SH3RF3: variants seen among roughly 807,000 people sequenced by gnomAD.
SH3RF3 encodes E3 ubiquitin-protein ligase SH3RF3.
A neutral mutation model predicts 66.3 loss-of-function variants in SH3RF3; 29 were observed. The observed-to-expected ratio is 0.44, with a 90% CI of 0.33 to 0.60. The LOEUF (loss-of-function observed/expected upper bound fraction) is 0.60, where lower values mean the gene tolerates loss of function less well. Ranked by LOEUF, SH3RF3 falls within the 20% of genes least tolerant of loss-of-function variation. The pLI is 0.04. For synonymous variants in SH3RF3, 583 were observed against 532.0 expected, an observed-to-expected ratio of 1.10 and a Z score of -1.32; for missense variants, 1,194 against 1,190.9, an observed-to-expected ratio of 1.00 and a Z score of -0.04.
intron 2 of SH3RF3, among the ~76,000 whole-genome samples, chr2:109,348,221 A>G (rs1682761553): frequency 1.3e-5 from 2 of 152,230 alleles, no homozygotes; most frequent in Admixed American, 1.3e-4. Flanking sequence ...ATAAGCCTCC[A>G]TCAGCACCAG....
chr2:109,427,449 A>G (rs1383890343), intron 5 of SH3RF3, among the ~76,000 whole-genome samples: 4 of 152,194 alleles, frequency 2.6e-5, no homozygotes. Context: ...ACCCACGAGT[A>G]TCCCACAGGT....
At chr2:109,410,613 G>A (rs1676562256) in intron 4 of SH3RF3, among the ~76,000 whole-genome samples, 1 of 152,248 alleles carries the variant, frequency 6.6e-6, no homozygotes, top group Non-Finnish European at 1.5e-5. Flanking sequence ...GATTGCTGGA[G>A]TTGTTCTGTA....
intron 1 of SH3RF3, among the ~76,000 whole-genome samples, chr2:109,148,020 C>G (rs2104858468): frequency 6.6e-6 from 1 of 152,324 alleles, no homozygotes. Context: ...GTATCATGGA[C>G]AAGGTCAGTC....
chr2:109,414,878 C>A (rs531062112), intron 4 of SH3RF3, among the ~76,000 whole-genome samples: 1 of 152,328 alleles, frequency 6.6e-6, no homozygotes, highest in East Asian at 1.9e-4. Context: ...GACTGATGGC[C>A]CCCACACATG....
intron 3 of SH3RF3, among the ~76,000 whole-genome samples, chr2:109,389,254 G>A (rs1203005791): frequency 6.6e-6 from 1 of 151,708 alleles, no homozygotes; most frequent in Non-Finnish European, 1.5e-5. Context: ...GGGCAAGCGT[G>A]GGCCAGGCCC....
chr2:109,261,343 C>G (rs957569194), intron 1 of SH3RF3, among the ~76,000 whole-genome samples: 9 of 152,318 alleles, frequency 5.9e-5, no homozygotes, highest in African/African-American at 1.9e-4. Context: ...CAGCACACAG[C>G]AAGAGCTCTA....
chr2:109,371,983 G>A (rs538534080), intron 3 of SH3RF3, among the ~76,000 whole-genome samples: 5 of 152,152 alleles, frequency 3.3e-5, no homozygotes, highest in South Asian at 2.1e-4. Flanking sequence ...GGACCCCTGC[G>A]CCTGGCACCC....
chr2:109,407,902 G>A (rs10181694), intron 4 of SH3RF3, among the ~76,000 whole-genome samples: 5,362 of 152,216 alleles, frequency 0.035, 193 homozygotes, highest in African/African-American at 0.09. Flanking sequence ...GATTTTTGTC[G>A]ATTGCAAAGC....
intron 1 of SH3RF3, among the ~76,000 whole-genome samples, chr2:109,311,722 T>C (rs993831272): frequency 1.3e-5 from 2 of 152,230 alleles, no homozygotes; most frequent in African/African-American, 2.4e-5. Context: ...GTTTTGTTTT[T>C]CCTTGTCTGA....
chr2:109,431,912 G>T (rs1167767169), intron 5 of SH3RF3, among the ~76,000 whole-genome samples: 7 of 152,040 alleles, frequency 4.6e-5, no homozygotes, highest in Non-Finnish European at 1.0e-4. Context: ...CACAATTACT[G>T]CAAGGAAGTG....
intron 1 of SH3RF3, among the ~76,000 whole-genome samples, chr2:109,290,963 A>AT (rs1681153910): frequency 6.6e-6 from 1 of 152,268 alleles, no homozygotes; most frequent in African/African-American, 2.4e-5. Context: ...GCCCGGCAAT[A>AT]TGCCGGGTAC....
At chr2:109,159,270 G>C (rs1677426938) in intron 1 of SH3RF3, among the ~76,000 whole-genome samples, 1 of 152,134 alleles carries the variant, frequency 6.6e-6, no homozygotes, top group African/African-American at 2.4e-5. Flanking sequence ...GCTCTATCCC[G>C]GCGCAGCTGC....
At chr2:109,242,395 A>G (rs1032412140) in intron 1 of SH3RF3, among the ~76,000 whole-genome samples, 5 of 152,140 alleles carry the variant, frequency 3.3e-5, no homozygotes, top group African/African-American at 1.2e-4. Flanking sequence ...GCCTCGTTGC[A>G]GATGGTCACA....
At chr2:109,234,260 T>TTA (rs1266016418) in intron 1 of SH3RF3, among the ~76,000 whole-genome samples, 3 of 152,258 alleles carry the variant, frequency 2.0e-5, no homozygotes, top group African/African-American at 7.2e-5. Flanking sequence ...AAACTGTTAC[T>TTA]AAGGATGCCA....
chr2:109,157,884 A>G (rs192045516), intron 1 of SH3RF3, among the ~76,000 whole-genome samples: 1 of 152,230 alleles, frequency 6.6e-6, no homozygotes, highest in African/African-American at 2.4e-5. Flanking sequence ...GGAGACCCTC[A>G]GGATGGCTTT....
At position 109,342,159 on chromosome 2, in the gene SH3RF3, G is replaced by C. The variant is rs116888248; in HGVS notation, c.574-5515G>C. Among the ~76,000 whole-genome samples, 1,319 of 152,342 alleles carry C rather than the reference G, an allele frequency of 8.7e-3. 13 individuals are homozygous for C. Among genetic ancestry groups the C allele is most frequent in the East Asian group, 0.043 (220 of 5,166 alleles). On this transcript the variant is annotated intron_variant, in intron 1 of 9. Transcript: ENST00000309415. ...AACTCTGGGCCTTTGCATGGGCTGAGCCCCTGGCTGGAATGCCCCACTTCT... is the reference window on the plus strand; with the variant it reads ...AACTCTGGGCCTTTGCATGGGCTGACCCCCTGGCTGGAATGCCCCACTTCT...
Position 109,432,679 on chromosome 2 carries a change from C to T in SH3RF3, c.1574+8C>T. The stretch of plus-strand genomic sequence containing the variant: ...CGTGACACCCGTTTCCAGGTGAGGG[C>T]ATGGTGGTGGCAGCCTGGGCAAGGA... On this transcript the variant is annotated splice_region_variant and intron_variant, in intron 6 of 9. Coordinates refer to ENST00000309415, the MANE Select transcript of SH3RF3 (RefSeq NM_001099289.3). 1 of 1,607,844 alleles carries T rather than the reference C, an allele frequency of 6.2e-7. No homozygotes were observed. Among genetic ancestry groups the T allele is most frequent in the Admixed American group, 1.7e-5 (1 of 59,572 alleles).
At chr2:109,164,169 CT>C (rs528384267) in intron 1 of SH3RF3, among the ~76,000 whole-genome samples, 24 of 149,672 alleles carry the variant, frequency 1.6e-4, no homozygotes, top group Admixed American at 2.0e-4. Context: ...ATGCCTCTCT[CT>C]TTTTTTTTTC....
chr2:109,409,119 C>T (rs1417641688), intron 4 of SH3RF3, among the ~76,000 whole-genome samples: 1 of 152,214 alleles, frequency 6.6e-6, no homozygotes, highest in Non-Finnish European at 1.5e-5. Flanking sequence ...TGGATGTTCT[C>T]CTCCCATATT....
Sources: gnomAD v4.1 joint callset for allele counts (sites outside exome capture counted in the v4.1 genomes callset) on GRCh38, gnomAD v4.1.1 for gene constraint, MANE v1.5 for transcripts, NCBI Gene and HGNC (gene_info 2026-07-23, HGNC 2026-07-21) for gene names.